Variants in ZBTB7A observed in about 807,000 individuals in gnomAD.
ZBTB7A encodes the protein zinc finger and BTB domain containing 7A.
In ZBTB7A, 7 loss-of-function variants were observed where a neutral mutation model predicts 26.7. That is an observed-to-expected ratio of 0.26 (90% CI 0.15 to 0.49). The LOEUF (loss-of-function observed/expected upper bound fraction) is 0.49. Among genes scored for constraint, ZBTB7A ranks in the 20% least tolerant of loss-of-function variants. The pLI is 0.98. For synonymous variants in ZBTB7A, 452 were observed against 441.0 expected (o/e 1.02, Z -0.31); for missense variants, 617 against 919.5 (o/e 0.67, Z 4.25).
In ZBTB7A at chr19:4,054,178, T is replaced by C; in HGVS notation, c.1055A>G (p.Tyr352Cys). The C allele has an allele frequency of 6.3e-7, 1 of 1,599,356 alleles. No individual in the cohort carries two copies. The highest frequency in any genetic ancestry group is 8.5e-7 in the Non-Finnish European group (1 of 1,178,746). ...GTGGGCGCCGCTGAAGTACTTCAGGTAGTAGTCCATGACGCCCTTGTCGTC... is the reference window on the plus strand; with the variant it reads ...GTGGGCGCCGCTGAAGTACTTCAGGCAGTAGTCCATGACGCCCTTGTCGTC... ...RADDKGVMDY[Y>C]LKYFSGAHDG... The change falls in exon 2 of 3, where the codon TAC (tyrosine) becomes TGC (cysteine). Residue 352 changes from tyrosine to cysteine, a missense_variant. Physicochemically the swap from Tyr to Cys is radical, Grantham distance 194. Coordinates refer to ENST00000322357, the MANE Select transcript of ZBTB7A (RefSeq NM_015898.4).
intron 2 of ZBTB7A, among the ~76,000 whole-genome samples, chr19:4,053,607 A>C (rs1332917502): frequency 7.4e-6 from 1 of 134,902 alleles, no homozygotes; most frequent in African/African-American, 2.9e-5. Context: ...GTGCATGTGT[A>C]TGTGATGTGT....
chr19:4,051,654 G>GT (rs1286816564), intron 2 of ZBTB7A, among the ~76,000 whole-genome samples: 1 of 152,266 alleles, frequency 6.6e-6, no homozygotes, highest in Non-Finnish European at 1.5e-5. Context: ...CAGGCCTCTG[G>GT]TTTACTGATC....
intron 1 of ZBTB7A, among the ~76,000 whole-genome samples, chr19:4,064,897 G>T (rs1346690967): frequency 1.3e-5 from 2 of 152,050 alleles, no homozygotes; most frequent in African/African-American, 2.4e-5. Context: ...GTCCGGGCCC[G>T]GGTGGACAGC....
At position 4,048,710 on chromosome 19, in the gene ZBTB7A, G is replaced by A. The variant is rs529168296; in HGVS notation, c.1263-466C>T. Reference sequence around the variant, plus strand: ...AAAAAACAAAAAACAAAAATCAGCCGGGCATGGTAGCAGGCGCCCGTAATG... The same window carrying A: ...AAAAAACAAAAAACAAAAATCAGCCAGGCATGGTAGCAGGCGCCCGTAATG... On this transcript the variant is annotated intron_variant, in intron 2 of 2. Coordinates refer to ENST00000322357, the MANE Select transcript of ZBTB7A (RefSeq NM_015898.4). The surrounding 1 kb of genome is among the most constrained non-coding windows in gnomAD (Gnocchi z 6.7). Among the ~76,000 whole-genome samples, 25 of 151,870 alleles carry A rather than the reference G, an allele frequency of 1.6e-4. No individual in the cohort carries two copies. The highest frequency in any genetic ancestry group is 4.8e-4 in the African/African-American group (20 of 41,396).
Position 4,053,844 on chromosome 19 carries a change from C to T in ZBTB7A, c.1262+127G>A, listed in dbSNP as rs916100408. The T allele has an allele frequency of 7.3e-6, 8 of 1,097,902 alleles. No homozygotes were observed. In the Admixed American group the frequency reaches 7.9e-5, roughly 11 times the overall value. The allele number at this position is 1,097,902 out of a possible 1,614,324, so 68.0% of individuals were successfully genotyped here. Reference sequence around the variant, plus strand: ...CTGTGCGTGTACGTGTCTGTGTGCACGTGCGTGTATGTGTGCGTCTGCGTG... The same window carrying T: ...CTGTGCGTGTACGTGTCTGTGTGCATGTGCGTGTATGTGTGCGTCTGCGTG... On this transcript the variant is annotated intron_variant, in intron 2 of 2. Coordinates refer to ENST00000322357, the MANE Select transcript of ZBTB7A (RefSeq NM_015898.4).
At chr19:4,059,990 C>T (rs572685474) in intron 1 of ZBTB7A, among the ~76,000 whole-genome samples, 7 of 152,172 alleles carry the variant, frequency 4.6e-5, no homozygotes, top group South Asian at 2.1e-4. Flanking sequence ...CCCGGCCCCA[C>T]GCCAGCCAGG....
In ZBTB7A at chr19:4,052,797, G is replaced by A. The variant is rs2040517824; in HGVS notation, c.1262+1174C>T. Among the ~76,000 whole-genome samples, 1 of 152,184 alleles carries A rather than the reference G, an allele frequency of 6.6e-6. No homozygotes were observed. The highest frequency in any genetic ancestry group is 6.5e-5 in the Admixed American group (1 of 15,280). ...CTGGCCTTGAACTCCTGCTGTTTAGGGACCAAGTCCTGTGGCTCCCAGGGG... is the reference window on the plus strand; with the variant it reads ...CTGGCCTTGAACTCCTGCTGTTTAGAGACCAAGTCCTGTGGCTCCCAGGGG... On this transcript the variant is annotated intron_variant, in intron 2 of 2. Coordinates refer to ENST00000322357, the MANE Select transcript of ZBTB7A (RefSeq NM_015898.4). The surrounding 1 kb of genome is among the most constrained non-coding windows in gnomAD (Gnocchi z 4.9).
rs1187772261 is a variant in ZBTB7A, at chr19:4,055,583, G to A, written c.-15-336C>T. On this transcript the variant is annotated intron_variant, in intron 1 of 2. Coordinates refer to ENST00000322357, the MANE Select transcript of ZBTB7A (RefSeq NM_015898.4). ...CACGCCTGTAATCCCAGCACTTTGG[G>A]AGGCCGAGACAGGCAGATCATGAGG... is the stretch of plus-strand genomic sequence containing the variant. 11 of 596,650 alleles carry A rather than the reference G, an allele frequency of 1.8e-5. No individual in the cohort carries two copies. The East Asian group carries it at 1.0e-3, about 54-fold the overall frequency. 37.0% of individuals were successfully genotyped at this position (596,650 alleles called of 1,614,324 possible).
chr19:4,053,478 C>T (rs557103446), intron 2 of ZBTB7A, among the ~76,000 whole-genome samples: 10 of 147,632 alleles, frequency 6.8e-5, no homozygotes, highest in Non-Finnish European at 1.3e-4. Flanking sequence ...TCTGGGGGTG[C>T]GTGTGCATCT....
intron 1 of ZBTB7A, among the ~76,000 whole-genome samples, chr19:4,065,084 G>A (rs2040678722): frequency 6.6e-6 from 1 of 151,684 alleles, no homozygotes; most frequent in Non-Finnish European, 1.5e-5. Context: ...GAGCGGGAGG[G>A]AGGGGGCTGG....
At position 4,055,146 on chromosome 19, in the gene ZBTB7A, C is replaced by T. The variant is rs768252781; in HGVS notation, c.87G>A (p.Thr29=). ...DILSGLNEQR[T]QGLLCDVVIL... ...TCACCACGTCGCACAGCAGGCCCTG[C>T]GTCCGCTGCTCGTTCAGCCCACTCA... is the stretch of plus-strand genomic sequence containing the variant. The change falls in exon 2 of 3, where the codon ACG becomes ACA. Residue 29 remains threonine, a synonymous_variant. Transcript: ENST00000322357. The T allele has an allele frequency of 2.5e-6, 4 of 1,608,462 alleles. No homozygotes were observed. Among genetic ancestry groups the T allele is most frequent in the Admixed American group, 1.7e-5 (1 of 59,882 alleles).
chr19:4,048,105 A>G lies in ZBTB7A; in HGVS notation c.1402T>C (p.Cys468Arg). ...RVHTGLRPYQ[C>R]DSCCKTFVRS... ...ACGAAGGTCTTGCAGCAGCTGTCGCACTGGTAGGGGCGCAGGCCCGTGTGC... is the reference window on the plus strand; with the variant it reads ...ACGAAGGTCTTGCAGCAGCTGTCGCGCTGGTAGGGGCGCAGGCCCGTGTGC... The change falls in exon 3 of 3, where the codon TGC becomes CGC. Residue 468 changes from cysteine (C) to arginine (R), a missense_variant. Physicochemically the swap from Cys to Arg is radical, Grantham distance 180. Around this residue, in one of 5 missense-constraint regions of ZBTB7A, gnomAD observed 41 missense variants for 167.6 expected, o/e 0.24. Transcript: ENST00000322357. The surrounding 1 kb of genome is among the most constrained non-coding windows in gnomAD (Gnocchi z 6.7). The G allele has an allele frequency of 6.2e-7, 1 of 1,610,652 alleles. No individual in the cohort carries two copies. Among genetic ancestry groups the G allele is most frequent in the Non-Finnish European group, 8.5e-7 (1 of 1,178,974 alleles).
rs1268804547 is a variant in ZBTB7A at position 4,043,307 on chromosome 19, G to A, written c.*4445C>T. ...TGAGGCGACTGAGGCGGCAGCGGTCGTAACAGGCTGCGTTTAGTGGTTCTT... is the reference window on the plus strand; with the variant it reads ...TGAGGCGACTGAGGCGGCAGCGGTCATAACAGGCTGCGTTTAGTGGTTCTT... On this transcript the variant is annotated 3_prime_UTR_variant, in exon 3 of 3. Transcript: ENST00000322357. 3.3e-5 allele frequency among the ~76,000 whole-genome samples: 5 copies of A among 149,582 alleles called. No homozygotes were observed. The highest frequency in any genetic ancestry group is 2.1e-4 in the South Asian group (1 of 4,766).
chr19:4,063,550 C>A (rs920585150), intron 1 of ZBTB7A, among the ~76,000 whole-genome samples: 5 of 152,134 alleles, frequency 3.3e-5, no homozygotes, highest in African/African-American at 1.2e-4. Context: ...TGCTGTGTGA[C>A]CTTGGGAGCC....
At chr19:4,057,058 A>G (rs1213687761) in intron 1 of ZBTB7A, among the ~76,000 whole-genome samples, 1 of 149,938 alleles carries the variant, frequency 6.7e-6, no homozygotes, top group East Asian at 2.0e-4. Context: ...GAAAAAGAAA[A>G]AAAAAAAGGG....
Position 4,055,048 on chromosome 19 carries a change from A to C in ZBTB7A, c.185T>G (p.Leu62Arg). ...LAACSQYFKK[L>R]FTSGAVVDQQ... is the part of the protein sequence containing the mutation. ...GTCCACCACGGCGCCCGACGTGAAC[A>C]GCTTCTTGAAGTACTGGCTGCAGGC... Residue 62 changes from leucine (L) to arginine (R), a missense_variant, in exon 2 of 3, where the codon CTG (leucine) becomes CGG (arginine). By Grantham distance (102) the Leu-to-Arg change is moderately radical (BLOSUM62 -2). Coordinates refer to ENST00000322357, the MANE Select transcript of ZBTB7A (RefSeq NM_015898.4). 6.2e-7 allele frequency: 1 copy of C among 1,610,762 alleles called. No homozygotes were observed.
intron 1 of ZBTB7A, among the ~76,000 whole-genome samples, chr19:4,066,481 G>T (rs1423389357): frequency 6.6e-6 from 1 of 151,222 alleles, no homozygotes; most frequent in East Asian, 2.0e-4. Flanking sequence ...CCCTTCCCGG[G>T]CGGCGCCCCC....
In ZBTB7A at chr19:4,047,221, T is replaced by A. The variant is rs2040431286; in HGVS notation, c.*531A>T. On this transcript the variant is annotated 3_prime_UTR_variant, in exon 3 of 3. Transcript: ENST00000322357. Reference sequence around the variant, plus strand: ...GTGCCCTGAGGAAGGAGGGTGCGGGTCGGGGGACGGGGGCCCATTTTAACG... The same window carrying A: ...GTGCCCTGAGGAAGGAGGGTGCGGGACGGGGGACGGGGGCCCATTTTAACG... 1 of 151,834 alleles carries A rather than the reference T, an allele frequency of 6.6e-6. No individual in the cohort carries two copies. Among genetic ancestry groups the A allele is most frequent in the South Asian group, 2.1e-4 (1 of 4,816 alleles). 9.4% of individuals were successfully genotyped at this position (151,834 alleles called of 1,614,324 possible).
At chr19:4,053,710 T>C (rs1336867980) in intron 2 of ZBTB7A, among the ~76,000 whole-genome samples, 5 of 151,600 alleles carry the variant, frequency 3.3e-5, no homozygotes, top group Non-Finnish European at 5.9e-5. Flanking sequence ...TGTGTGTGCA[T>C]GTGTACGTGG....
Sources: allele counts gnomAD v4.1 joint callset (sites outside exome capture counted in the v4.1 genomes callset), GRCh38; gene constraint gnomAD v4.1.1; regional missense constraint gnomAD v4.1.1; non-coding constraint Gnocchi (gnomAD v3.1); transcripts MANE v1.5; gene names NCBI Gene and HGNC (gene_info 2026-07-23, HGNC 2026-07-21).